TNFRSF19: variants seen among roughly 807,000 people sequenced by gnomAD.
TNFRSF19 encodes the protein tumor necrosis factor receptor superfamily member 19.
A neutral mutation model predicts 46.4 loss-of-function variants in TNFRSF19; 27 were observed. The ratio of observed to expected loss-of-function variants is 0.58; its 90% CI spans 0.43 to 0.80. TNFRSF19 has a LOEUF of 0.80. TNFRSF19 is among the 30% of genes least tolerant of loss of function. TNFRSF19 has a pLI of 0.00. For synonymous variants in TNFRSF19, 204 were observed against 205.0 expected (o/e 1.00, Z 0.04); for missense variants, 511 against 530.8 (o/e 0.96, Z 0.37).
chr13:23,670,822 C>T (rs1951750312), intron 9 of TNFRSF19, among the ~76,000 whole-genome samples: 1 of 152,238 alleles, frequency 6.6e-6, no homozygotes, highest in African/African-American at 2.4e-5. Flanking sequence ...GGGGCCCTCG[C>T]CATGTCTAGT....
At chr13:23,588,943 C>T (rs1273634517) in intron 1 of TNFRSF19, among the ~76,000 whole-genome samples, 3 of 152,252 alleles carry the variant, frequency 2.0e-5, no homozygotes, top group Non-Finnish European at 4.4e-5. Context: ...CATCTGGGTT[C>T]AGCCACTTCC....
At chr13:23,610,805 A>C (rs990564679) in intron 3 of TNFRSF19, among the ~76,000 whole-genome samples, 11 of 152,022 alleles carry the variant, frequency 7.2e-5, no homozygotes, top group Non-Finnish European at 1.6e-4. Flanking sequence ...GGGGCCCTAT[A>C]ATAATGCCTT....
At chr13:23,592,287 G>A (rs1027555194) in intron 2 of TNFRSF19, among the ~76,000 whole-genome samples, 9 of 152,044 alleles carry the variant, frequency 5.9e-5, no homozygotes, top group Admixed American at 1.3e-4. Flanking sequence ...AAACAGAACC[G>A]CGTCAGTAGC....
At chr13:23,627,294 A>AT (rs1882074603) in intron 5 of TNFRSF19, among the ~76,000 whole-genome samples, 1 of 152,130 alleles carries the variant, frequency 6.6e-6, no homozygotes, top group African/African-American at 2.4e-5. Context: ...CTTTTCTCTC[A>AT]TTTAACAAAT....
chr13:23,604,649 G>T lies in TNFRSF19; in HGVS notation c.180+11194G>T, dbSNP rs189581324. 1.9e-3 allele frequency among the ~76,000 whole-genome samples: 282 copies of T among 152,214 alleles called. 3 individuals are homozygous for T. Among genetic ancestry groups the T allele is most frequent in the African/African-American group, 6.5e-3 (272 of 41,554 alleles). On this transcript the variant is annotated intron_variant, in intron 3 of 9. Transcript: ENST00000248484. ...AGACAGTGTGGTATTGACAAAAGAA[G>T]AGACAAACCAATCAGTGGAACAGAA... is the stretch of plus-strand genomic sequence containing the variant.
intron 9 of TNFRSF19, among the ~76,000 whole-genome samples, chr13:23,673,085 A>G (rs1951782810): frequency 6.6e-6 from 1 of 152,196 alleles, no homozygotes. Flanking sequence ...CCACAAAAGA[A>G]TTGTTGTTAA....
At chr13:23,633,263 C>T (rs1882464621) in intron 5 of TNFRSF19, among the ~76,000 whole-genome samples, 1 of 152,154 alleles carries the variant, frequency 6.6e-6, no homozygotes, top group South Asian at 2.1e-4. Flanking sequence ...CAGGTACATG[C>T]CAGCATGGCT....
chr13:23,647,194 G>A (rs1321560517), intron 5 of TNFRSF19, among the ~76,000 whole-genome samples: 1 of 152,186 alleles, frequency 6.6e-6, no homozygotes, highest in Non-Finnish European at 1.5e-5. Context: ...CTTACCAGAT[G>A]TATGAAATGC....
At chr13:23,616,790 G>A (rs1040901860) in intron 4 of TNFRSF19, among the ~76,000 whole-genome samples, 2 of 152,042 alleles carry the variant, frequency 1.3e-5, no homozygotes, top group African/African-American at 4.8e-5. Flanking sequence ...CTCCATGTTG[G>A]TTGGTCTCAA....
chr13:23,632,173 C>T (rs777385720), intron 5 of TNFRSF19, among the ~76,000 whole-genome samples: 2 of 152,154 alleles, frequency 1.3e-5, no homozygotes, highest in African/African-American at 2.4e-5. Context: ...GTTTTCAAGT[C>T]GGCTGTGGTC....
At chr13:23,614,366 C>T (rs550266510) in intron 3 of TNFRSF19, among the ~76,000 whole-genome samples, 1 of 152,316 alleles carries the variant, frequency 6.6e-6, no homozygotes, top group Admixed American at 6.5e-5. Context: ...CAGCACTATC[C>T]TTCAAGTTGG....
intron 9 of TNFRSF19, among the ~76,000 whole-genome samples, chr13:23,671,773 C>T (rs1318428770): frequency 6.6e-6 from 1 of 152,188 alleles, no homozygotes; most frequent in Non-Finnish European, 1.5e-5. Flanking sequence ...ATGACTTGAG[C>T]CCAGGAGTTT....
At chr13:23,657,382 A>T (rs1884049727) in intron 5 of TNFRSF19, among the ~76,000 whole-genome samples, 1 of 152,136 alleles carries the variant, frequency 6.6e-6, no homozygotes. Flanking sequence ...GCACCAGATG[A>T]CAAATTGGCT....
rs1881255004 is a variant in TNFRSF19 at position 23,615,940 on chromosome 13, G to A, written c.254G>A (p.Gly85Asp). 3 of 1,613,944 alleles carry A rather than the reference G, an allele frequency of 1.9e-6. No individual in the cohort carries two copies. The highest frequency in any genetic ancestry group is 2.5e-6 in the Non-Finnish European group (3 of 1,179,954). The change falls in exon 4 of 10, where the codon GGC (glycine) becomes GAC (aspartate). Residue 85 changes from glycine to aspartate, a missense_variant. This residue lies in a region of TNFRSF19 where 121 missense variants were observed against 124.1 expected (regional missense o/e 0.98). Transcript: ENST00000248484. ...CTGCACAGGTTCAAGGAGGACTGGG[G>A]CTTCCAGAAATGCAAGCCCTGTCTG... ...CRLHRFKEDW[G>D]FQKCKPCLDC...
chr13:23,669,395 T>C, intron 9 of TNFRSF19: 1 of 1,141,424 alleles, frequency 8.8e-7, no homozygotes, highest in Non-Finnish European at 1.1e-6. Context: ...GAGTCGGGTA[T>C]GGGAGCATCT....
intron 7 of TNFRSF19, among the ~76,000 whole-genome samples, chr13:23,661,663 T>C (rs1884376234): frequency 6.6e-6 from 1 of 152,246 alleles, no homozygotes; most frequent in South Asian, 2.1e-4. Flanking sequence ...CCACCAACAG[T>C]GTGTAAGCAT....
chr13:23,582,260 G>T (rs1199052255), intron 1 of TNFRSF19, among the ~76,000 whole-genome samples: 1 of 150,762 alleles, frequency 6.6e-6, no homozygotes, highest in African/African-American at 2.4e-5. Context: ...AATTAGCCGG[G>T]CGTGGTGGCG....
At chr13:23,575,931 T>C (rs550631995) in intron 1 of TNFRSF19, among the ~76,000 whole-genome samples, 2 of 152,330 alleles carry the variant, frequency 1.3e-5, no homozygotes, top group African/African-American at 4.8e-5. Context: ...AGCTCAGATA[T>C]TGCTAAAACT....
chr13:23,600,491 A>G (rs35608493), intron 3 of TNFRSF19, among the ~76,000 whole-genome samples: 15,831 of 152,248 alleles, frequency 0.1, 890 homozygotes, highest in East Asian at 0.18. Flanking sequence ...CAGGAACTCA[A>G]ACCGATTTTC....
Sources: allele counts gnomAD v4.1 joint callset (sites outside exome capture counted in the v4.1 genomes callset), GRCh38; gene constraint gnomAD v4.1.1; regional missense constraint gnomAD v4.1.1; transcripts MANE v1.5; gene names NCBI Gene and HGNC (gene_info 2026-07-23, HGNC 2026-07-21).